The following GALNT18 variants were observed in gnomAD, a reference collection of about 807,000 sequenced individuals.
GALNT18 encodes the protein GalNAc-transferase 18.
Under a neutral mutation model 69.5 loss-of-function variants are expected in GALNT18, and 44 were observed. The observed-to-expected ratio is 0.63, with a 90% CI of 0.50 to 0.81. GALNT18 has a LOEUF of 0.81. GALNT18 is among the 40% of genes least tolerant of loss of function. The pLI is 0.00. For synonymous variants in GALNT18, 364 were observed against 318.2 expected, an observed-to-expected ratio of 1.14 and a Z score of -1.53; for missense variants, 715 against 810.0, an observed-to-expected ratio of 0.88 and a Z score of 1.42.
At chr11:11,359,766 T>A (rs1850604101) in intron 6 of GALNT18, among the ~76,000 whole-genome samples, 1 of 152,192 alleles carries the variant, frequency 6.6e-6, no homozygotes, top group Non-Finnish European at 1.5e-5. Flanking sequence ...TATCCATCAG[T>A]GATTTTAAAC....
At chr11:11,441,719 C>G (rs1221134107) in intron 2 of GALNT18, among the ~76,000 whole-genome samples, 3 of 152,194 alleles carry the variant, frequency 2.0e-5, no homozygotes, top group African/African-American at 7.2e-5. Flanking sequence ...ATCTTTCGCT[C>G]ATGGTTAGCA....
In GALNT18 at chr11:11,415,539, G is replaced by A. The variant is rs1434880815; in HGVS notation, c.595+17082C>T. 6.6e-6 allele frequency among the ~76,000 whole-genome samples: 1 copy of A among 152,070 alleles called. No individual in the cohort carries two copies. Among genetic ancestry groups the A allele is most frequent in the Non-Finnish European group, 1.5e-5 (1 of 68,008 alleles). On this transcript the variant is annotated intron_variant, in intron 3 of 10. Coordinates refer to ENST00000227756, the MANE Select transcript of GALNT18 (RefSeq NM_198516.3). This position sits in a 1 kb window ranked among gnomAD's most constrained non-coding sequence, Gnocchi z 4.1. The stretch of plus-strand genomic sequence containing the variant: ...GAGTCTAGTGGGAAATATGAGAAAG[G>A]AGAGGAGAGCCATATTGAACCTGGA...
chr11:11,345,816 G>A (rs752735932), intron 6 of GALNT18, among the ~76,000 whole-genome samples: 1 of 152,140 alleles, frequency 6.6e-6, no homozygotes, highest in Non-Finnish European at 1.5e-5. Flanking sequence ...GAGAAGGCAG[G>A]TGTGGTCGCA....
In GALNT18 at chr11:11,552,974, T is replaced by A. The variant is rs377720774; in HGVS notation, c.235+68385A>T. Among the ~76,000 whole-genome samples, 128 of 152,308 alleles carry A rather than the reference T, an allele frequency of 8.4e-4. 1 individual carries two copies. The highest frequency in any genetic ancestry group is 3.4e-3 in the Middle Eastern group (1 of 294). ...AGCCACAGCTTCCCATGCAAGGGTC[T>A]CAGCCCTGGGCTTTGCTTACTTGGG... On this transcript the variant is annotated intron_variant, in intron 1 of 10. Coordinates refer to ENST00000227756, the MANE Select transcript of GALNT18 (RefSeq NM_198516.3).
At chr11:11,569,719 T>C (rs1858740491) in intron 1 of GALNT18, among the ~76,000 whole-genome samples, 1 of 152,128 alleles carries the variant, frequency 6.6e-6, no homozygotes, top group East Asian at 1.9e-4. Flanking sequence ...CACCCAGCAC[T>C]AACCATGGGA....
intron 9 of GALNT18, among the ~76,000 whole-genome samples, chr11:11,293,439 A>T (rs1329655513): frequency 1.3e-5 from 2 of 151,700 alleles, no homozygotes; most frequent in African/African-American, 2.4e-5. Context: ...ACCCTTACAT[A>T]TGTAATATAC....
rs1462719735 is a variant in GALNT18 at position 11,439,096 on chromosome 11, G to C, written c.429-6309C>G. The stretch of plus-strand genomic sequence containing the variant: ...ATCTAGTAATTTTAAAGAATGACCA[G>C]TGGCCCTGTCCAGCCACTGGACAAT... On this transcript the variant is annotated intron_variant, in intron 2 of 10. Transcript: ENST00000227756. This position sits in a 1 kb window ranked among gnomAD's most constrained non-coding sequence, Gnocchi z 4.4. Among the ~76,000 whole-genome samples, 1 of 152,222 alleles carries C rather than the reference G, an allele frequency of 6.6e-6. No homozygotes were observed. The highest frequency in any genetic ancestry group is 2.4e-5 in the African/African-American group (1 of 41,452).
chr11:11,585,480 G>A (rs544623391), intron 1 of GALNT18, among the ~76,000 whole-genome samples: 66 of 151,726 alleles, frequency 4.3e-4, no homozygotes, highest in African/African-American at 5.8e-4. Flanking sequence ...CTCAGCCTCC[G>A]GAGTAGCTGG....
At chr11:11,498,094 C>G (rs937274214) in intron 1 of GALNT18, among the ~76,000 whole-genome samples, 7 of 152,056 alleles carry the variant, frequency 4.6e-5, no homozygotes, top group African/African-American at 1.7e-4. Flanking sequence ...CAATTGAGGG[C>G]AAAATTCTTC....
rs1482693636 is a variant in GALNT18 at position 11,586,953 on chromosome 11, A to G, written c.235+34406T>C. On this transcript the variant is annotated intron_variant, in intron 1 of 10. Transcript: ENST00000227756. The surrounding 1 kb of genome is among the most constrained non-coding windows in gnomAD (Gnocchi z 4.1). Reference sequence around the variant, plus strand: ...CAGTGAGCCGAGATCGTGTCAAAGCACTCCAGCCTGGGGAACAAGAGTGAA... The same window carrying G: ...CAGTGAGCCGAGATCGTGTCAAAGCGCTCCAGCCTGGGGAACAAGAGTGAA... 2.6e-5 allele frequency among the ~76,000 whole-genome samples: 4 copies of G among 152,086 alleles called. No individual in the cohort carries two copies. The highest frequency in any genetic ancestry group is 9.7e-5 in the African/African-American group (4 of 41,412).
Position 11,562,127 on chromosome 11 carries a change from G to A in GALNT18, c.235+59232C>T, listed in dbSNP as rs566471050. ...CTGTCCTAACTAAGTAGCACAGACT[G>A]GGTGCCTTCAACAACAGATATTCAT... On this transcript the variant is annotated intron_variant, in intron 1 of 10. Coordinates refer to ENST00000227756, the MANE Select transcript of GALNT18 (RefSeq NM_198516.3). This position sits in a 1 kb window ranked among gnomAD's most constrained non-coding sequence, Gnocchi z 4.1. 6.6e-6 allele frequency among the ~76,000 whole-genome samples: 1 copy of A among 152,356 alleles called. No individual in the cohort carries two copies. The highest frequency in any genetic ancestry group is 2.1e-4 in the South Asian group (1 of 4,832).
Position 11,377,159 on chromosome 11 carries a change from C to A in GALNT18, c.977+23G>T, listed in dbSNP as rs1371994693. On this transcript the variant is annotated intron_variant, in intron 5 of 10. Transcript: ENST00000227756. This position sits in a 1 kb window ranked among gnomAD's most constrained non-coding sequence, Gnocchi z 4.6. The stretch of plus-strand genomic sequence containing the variant: ...AGCCTGGAGGTCAAAGCGGAGAGAC[C>A]CACAGGTAAAGGTTTGCTTTACCTG... 1.9e-6 allele frequency: 3 copies of A among 1,608,066 alleles called. No homozygotes were observed. The highest frequency in any genetic ancestry group is 1.7e-5 in the Admixed American group (1 of 59,974).
At chr11:11,326,629 A>G (rs552002136) in intron 9 of GALNT18, among the ~76,000 whole-genome samples, 1 of 152,296 alleles carries the variant, frequency 6.6e-6, no homozygotes, top group African/African-American at 2.4e-5. Context: ...CCATGGCTAT[A>G]AATTTTGGCC....
rs1264552807 is a variant in GALNT18 at position 11,606,170 on chromosome 11, G to C, written c.235+15189C>G. On this transcript the variant is annotated intron_variant, in intron 1 of 10. Coordinates refer to ENST00000227756, the MANE Select transcript of GALNT18 (RefSeq NM_198516.3). The surrounding 1 kb of genome is among the most constrained non-coding windows in gnomAD (Gnocchi z 5.4). Reference sequence around the variant, plus strand: ...GAATCCTAGCACCACCTCTTACTGAGAGGTTTTAGGCAGCTGGTTTATTTA... The same window carrying C: ...GAATCCTAGCACCACCTCTTACTGACAGGTTTTAGGCAGCTGGTTTATTTA... 6.6e-6 allele frequency among the ~76,000 whole-genome samples: 1 copy of C among 152,162 alleles called. No homozygotes were observed. Among genetic ancestry groups the C allele is most frequent in the Non-Finnish European group, 1.5e-5 (1 of 68,040 alleles).
intron 3 of GALNT18, among the ~76,000 whole-genome samples, chr11:11,424,780 G>T (rs560899271): frequency 6.6e-6 from 1 of 152,314 alleles, no homozygotes; most frequent in Admixed American, 6.5e-5. Context: ...CCATGGAGGA[G>T]TTTCTGGAAA....
intron 10 of GALNT18, among the ~76,000 whole-genome samples, chr11:11,282,577 G>A (rs773719056): frequency 7.2e-5 from 11 of 152,162 alleles, no homozygotes; most frequent in Middle Eastern, 3.2e-3. Flanking sequence ...TATGTTCCTC[G>A]CTAGGATGGT....
chr11:11,371,956 T>C (rs1269696067), intron 6 of GALNT18, among the ~76,000 whole-genome samples: 1 of 152,150 alleles, frequency 6.6e-6, no homozygotes, highest in Non-Finnish European at 1.5e-5. Flanking sequence ...GGCAGGAGAA[T>C]GGCGTGAGGC....
rs527806219 is a variant in GALNT18, at chr11:11,500,987, C to G, written c.236-52051G>C. 6.6e-6 allele frequency among the ~76,000 whole-genome samples: 1 copy of G among 152,318 alleles called. No homozygotes were observed. Among genetic ancestry groups the G allele is most frequent in the South Asian group, 2.1e-4 (1 of 4,828 alleles). ...GGCAACACCTGTCGCAGACTGGAAACTGGGCAGAACAGCAACTCCAAGGAG... is the reference window on the plus strand; with the variant it reads ...GGCAACACCTGTCGCAGACTGGAAAGTGGGCAGAACAGCAACTCCAAGGAG... On this transcript the variant is annotated intron_variant, in intron 1 of 10. Transcript: ENST00000227756. The surrounding 1 kb of genome is among the most constrained non-coding windows in gnomAD (Gnocchi z 5.0).
At chr11:11,609,180 C>G (rs868501502) in intron 1 of GALNT18, among the ~76,000 whole-genome samples, 9 of 152,218 alleles carry the variant, frequency 5.9e-5, no homozygotes, top group African/African-American at 2.2e-4. Context: ...CTGCTCACCC[C>G]CTCTGGTAGC....
Sources: allele counts gnomAD v4.1 joint callset (sites outside exome capture counted in the v4.1 genomes callset), GRCh38; gene constraint gnomAD v4.1.1; non-coding constraint Gnocchi (gnomAD v3.1); transcripts MANE v1.5; gene names NCBI Gene and HGNC (gene_info 2026-07-23, HGNC 2026-07-21).